SPIDR: variants seen among roughly 807,000 people sequenced by gnomAD.
The protein encoded by SPIDR is DNA repair-scaffolding protein.
Under a neutral mutation model 104.6 loss-of-function variants are expected in SPIDR, and 93 were observed. The observed-to-expected ratio is 0.89, with a 90% CI of 0.75 to 1.06. SPIDR has a LOEUF of 1.06. Among genes scored for constraint, SPIDR ranks in the 50% least tolerant of loss-of-function variants. The pLI is 0.00. For synonymous variants in SPIDR, 431 were observed against 416.9 expected, an observed-to-expected ratio of 1.03 and a Z score of -0.41; for missense variants, 1,154 against 1,111.2, an observed-to-expected ratio of 1.04 and a Z score of -0.55.
At chr8:47,484,944 T>C (rs1047609971) in intron 8 of SPIDR, among the ~76,000 whole-genome samples, 2 of 152,196 alleles carry the variant, frequency 1.3e-5, no homozygotes, top group African/African-American at 4.8e-5. Context: ...GGGTGATATC[T>C]GCATTTCCAA....
chr8:47,474,150 A>G lies in SPIDR; in HGVS notation c.1097+33608A>G, dbSNP rs572314284. ...CCTTATTGAGTGAAAAAAACTGACCAAAAGGAAAAATATCAAACCTGTCTG... is the reference window on the plus strand; with the variant it reads ...CCTTATTGAGTGAAAAAAACTGACCGAAAGGAAAAATATCAAACCTGTCTG... On this transcript the variant is annotated intron_variant, in intron 8 of 19. Transcript: ENST00000297423. Among the ~76,000 whole-genome samples, 8 of 152,324 alleles carry G rather than the reference A, an allele frequency of 5.3e-5. No individual in the cohort carries two copies. The South Asian group carries it at 1.7e-3, about 32-fold the overall frequency.
chr8:47,690,773 C>T (rs951401455), intron 11 of SPIDR, among the ~76,000 whole-genome samples: 12 of 151,844 alleles, frequency 7.9e-5, no homozygotes, highest in South Asian at 2.1e-4. Context: ...GAGCCAAGAT[C>T]GCACCATTGC....
At position 47,509,833 on chromosome 8, in the gene SPIDR, G is replaced by C. The variant is rs562068534; in HGVS notation, c.1097+69291G>C. Among the ~76,000 whole-genome samples the C allele has an allele frequency of 3.2e-4, 49 of 152,168 alleles. No homozygotes were observed. In the South Asian group the frequency reaches 1.0e-2, roughly 31 times the overall value. On this transcript the variant is annotated intron_variant, in intron 8 of 19. Transcript: ENST00000297423. The stretch of plus-strand genomic sequence containing the variant: ...AAATACCATGGTGGCACGTGGATGT[G>C]TGCATGCGTATAATATGATGCACTC...
intron 5 of SPIDR, among the ~76,000 whole-genome samples, chr8:47,312,735 A>G (rs1166290804): frequency 8.6e-5 from 13 of 151,966 alleles, no homozygotes; most frequent in African/African-American, 9.7e-5. Flanking sequence ...ATTAGATCCC[A>G]TTTGTCAATT....
intron 11 of SPIDR, among the ~76,000 whole-genome samples, chr8:47,682,210 G>A (rs2077175367): frequency 7.0e-6 from 1 of 142,742 alleles, no homozygotes; most frequent in South Asian, 2.2e-4. Context: ...ACTAAAAGGA[G>A]CATGCTACAA....
rs2154488470 is a variant in SPIDR, at chr8:47,712,643, T to G, written c.1978-19T>G. ...TTTTTGGTATAATAATTAATCTTTA[T>G]TGTGTCTTCAAATTGTAGCTGAAGA... On this transcript the variant is annotated intron_variant, in intron 14 of 19. Coordinates refer to ENST00000297423, the MANE Select transcript of SPIDR (RefSeq NM_001080394.4). 6.2e-7 allele frequency: 1 copy of G among 1,607,762 alleles called. No homozygotes were observed. Among genetic ancestry groups the G allele is most frequent in the Non-Finnish European group, 8.5e-7 (1 of 1,176,074 alleles).
At chr8:47,612,553 A>T (rs138115750) in intron 10 of SPIDR, among the ~76,000 whole-genome samples, 1 of 152,242 alleles carries the variant, frequency 6.6e-6, no homozygotes, top group East Asian at 1.9e-4. Flanking sequence ...CCATAAAAGC[A>T]CTATCTGGTA....
intron 8 of SPIDR, among the ~76,000 whole-genome samples, chr8:47,473,973 T>G (rs1280748329): frequency 1.3e-5 from 2 of 152,130 alleles, no homozygotes; most frequent in South Asian, 2.1e-4. Context: ...GTAGGTGGTG[T>G]TCACCCAACA....
intron 5 of SPIDR, 54 bp downstream of exon 5, chr8:47,294,084 T>C: frequency 6.5e-7 from 1 of 1,549,392 alleles, no homozygotes; most frequent in Non-Finnish European, 8.7e-7. Flanking sequence ...TTGCTAATCA[T>C]AGTTGTCATT....
intron 7 of SPIDR, among the ~76,000 whole-genome samples, chr8:47,417,206 A>G (rs2064503403): frequency 1.3e-5 from 2 of 152,208 alleles, no homozygotes; most frequent in African/African-American, 4.8e-5. Context: ...CGCCACACTG[A>G]CTTCCACAAT....
At chr8:47,724,544 G>C (rs890131301) in intron 16 of SPIDR, among the ~76,000 whole-genome samples, 1 of 152,200 alleles carries the variant, frequency 6.6e-6, no homozygotes, top group African/African-American at 2.4e-5. Flanking sequence ...TGACATGTCC[G>C]CTGCATGGCT....
chr8:47,422,877 T>C (rs1470451000), intron 7 of SPIDR, among the ~76,000 whole-genome samples: 1 of 152,256 alleles, frequency 6.6e-6, no homozygotes, highest in African/African-American at 2.4e-5. Flanking sequence ...TGGGCTGTTT[T>C]ATAACTCCTA....
At chr8:47,506,789 G>A (rs1188888283) in intron 8 of SPIDR, among the ~76,000 whole-genome samples, 1 of 152,162 alleles carries the variant, frequency 6.6e-6, no homozygotes, top group Non-Finnish European at 1.5e-5. Flanking sequence ...TTCTAGTGAG[G>A]ATAAAATGGT....
intron 14 of SPIDR, among the ~76,000 whole-genome samples, chr8:47,708,022 G>C (rs937438193): frequency 2.6e-5 from 4 of 152,116 alleles, no homozygotes; most frequent in Non-Finnish European, 5.9e-5. Context: ...TTCCTGGGCC[G>C]GACACGGTGG....
intron 8 of SPIDR, among the ~76,000 whole-genome samples, chr8:47,510,390 C>T (rs978688931): frequency 1.3e-5 from 2 of 152,136 alleles, no homozygotes; most frequent in African/African-American, 4.8e-5. Context: ...AAAGAAATTG[C>T]ATACTTAATC....
chr8:47,375,811 A>G (rs1554642057), intron 5 of SPIDR, among the ~76,000 whole-genome samples: 2 of 152,160 alleles, frequency 1.3e-5, no homozygotes, highest in East Asian at 1.9e-4. Flanking sequence ...TAAGTTGTAG[A>G]TGTTGAAGAA....
chr8:47,456,399 G>A (rs782218098), intron 8 of SPIDR, among the ~76,000 whole-genome samples: 1 of 152,126 alleles, frequency 6.6e-6, no homozygotes, highest in Non-Finnish European at 1.5e-5. Flanking sequence ...ATACATTTTG[G>A]CTAAGTCACT....
chr8:47,565,992 A>ATTTTTTTTTT, intron 8 of SPIDR, among the ~76,000 whole-genome samples: 5 of 14,950 alleles, frequency 3.3e-4, no homozygotes, highest in Admixed American at 1.6e-3. Context: ...ATATATATAT[A>ATTTTTTTTTT]TTTTTTTTTT....
chr8:47,635,758 C>T (rs1447271538), intron 10 of SPIDR, among the ~76,000 whole-genome samples: 3 of 152,068 alleles, frequency 2.0e-5, no homozygotes, highest in Non-Finnish European at 4.4e-5. Context: ...ACAGATTACC[C>T]TAAGAAGAGG....
Sources: allele counts gnomAD v4.1 joint callset (sites outside exome capture counted in the v4.1 genomes callset), GRCh38; gene constraint gnomAD v4.1.1; transcripts MANE v1.5; gene names NCBI Gene and HGNC (gene_info 2026-07-23, HGNC 2026-07-21).